Variants in CACNB2 observed in about 807,000 individuals in gnomAD.
The protein encoded by CACNB2 is voltage-dependent L-type calcium channel subunit beta-2.
CACNB2 carries 42 observed loss-of-function variants against 73.3 expected under a neutral mutation model. That is an observed-to-expected ratio of 0.57 (90% CI 0.45 to 0.74). The LOEUF (loss-of-function observed/expected upper bound fraction) is 0.74, where lower values mean the gene tolerates loss of function less well. Among genes scored for constraint, CACNB2 ranks in the 30% least tolerant of loss-of-function variants. The pLI, the probability that CACNB2 is intolerant of heterozygous loss-of-function variation, is 0.00. For synonymous variants in CACNB2, 348 were observed against 310.3 expected (o/e 1.12, Z -1.28); for missense variants, 940 against 853.0 (o/e 1.10, Z -1.27).
intron 5 of CACNB2, among the ~76,000 whole-genome samples, chr10:18,501,784 TA>T (rs1303010490): frequency 6.6e-6 from 1 of 152,252 alleles, no homozygotes; most frequent in Non-Finnish European, 1.5e-5. Flanking sequence ...TGTGAGCAAG[TA>T]TTTTTTTCAA....
chr10:18,306,730 A>G (rs1302344608), intron 2 of CACNB2, among the ~76,000 whole-genome samples: 1 of 152,192 alleles, frequency 6.6e-6, no homozygotes, highest in Admixed American at 6.5e-5. Flanking sequence ...CTTTGTTGCC[A>G]AAGACTGAGC....
intron 2 of CACNB2, among the ~76,000 whole-genome samples, chr10:18,195,815 T>C (rs2034599815): frequency 6.6e-6 from 1 of 152,230 alleles, no homozygotes. Flanking sequence ...GTAAAAGCTG[T>C]CGCTTTCTGT....
intron 2 of CACNB2, among the ~76,000 whole-genome samples, chr10:18,347,149 G>A (rs2041493451): frequency 6.6e-6 from 1 of 151,984 alleles, no homozygotes; most frequent in Non-Finnish European, 1.5e-5. Context: ...TGCACTGAAA[G>A]GACAAGAACA....
At chr10:18,228,467 G>GAAA (rs2036101865) in intron 2 of CACNB2, among the ~76,000 whole-genome samples, 1 of 71,066 alleles carries the variant, frequency 1.4e-5, no homozygotes, top group Non-Finnish European at 3.3e-5. Context: ...AAAAAGAAAA[G>GAAA]AAAAAACATA....
At chr10:18,172,861 T>C (rs890645119) in intron 2 of CACNB2, among the ~76,000 whole-genome samples, 5 of 151,610 alleles carry the variant, frequency 3.3e-5, no homozygotes, top group African/African-American at 1.2e-4. Context: ...TCATCACACA[T>C]TGGGCAAGTT....
intron 2 of CACNB2, among the ~76,000 whole-genome samples, chr10:18,184,957 A>C (rs949277428): frequency 1.3e-5 from 2 of 152,004 alleles, no homozygotes; most frequent in Non-Finnish European, 2.9e-5. Flanking sequence ...CTGCCACTTC[A>C]GCCTCCTGAG....
chr10:18,179,603 A>AT lies in CACNB2; in HGVS notation c.213+28642dup, dbSNP rs11291909. On this transcript the variant is annotated intron_variant, in intron 2 of 13. Coordinates refer to ENST00000324631, the MANE Select transcript of CACNB2 (RefSeq NM_201596.3). Reference sequence around the variant, plus strand: ...GGTAAAGATAAGCTCAAATCAGCAGATTTTTTTTTTTTTTAATTCAGGGAT... The same window carrying AT: ...GGTAAAGATAAGCTCAAATCAGCAGATTTTTTTTTTTTTTTAATTCAGGGAT... Among the ~76,000 whole-genome samples, 1,105 of 146,904 alleles carry AT rather than the reference A, an allele frequency of 7.5e-3. 5 individuals carry two copies. Among genetic ancestry groups the AT allele is most frequent in the African/African-American group, 0.015 (619 of 40,290 alleles).
intron 2 of CACNB2, among the ~76,000 whole-genome samples, chr10:18,224,988 C>G (rs778178339): frequency 3.3e-5 from 5 of 152,102 alleles, no homozygotes; most frequent in Non-Finnish European, 5.9e-5. Flanking sequence ...CCGCGTGTTT[C>G]GCTCTCTATG....
At chr10:18,320,832 A>AT (rs1174975363) in intron 2 of CACNB2, among the ~76,000 whole-genome samples, 1 of 152,142 alleles carries the variant, frequency 6.6e-6, no homozygotes, top group Non-Finnish European at 1.5e-5. Flanking sequence ...CATTTGTCTG[A>AT]TTTTTTTGCA....
intron 2 of CACNB2, among the ~76,000 whole-genome samples, chr10:18,391,872 G>A (rs918951434): frequency 2.8e-4 from 39 of 138,726 alleles, no homozygotes; most frequent in Middle Eastern, 4.7e-3. Flanking sequence ...AGGTTGCAGT[G>A]AGCCAAGATT....
intron 2 of CACNB2, among the ~76,000 whole-genome samples, chr10:18,367,120 T>C: frequency 6.6e-6 from 1 of 152,234 alleles, no homozygotes; most frequent in East Asian, 1.9e-4. Flanking sequence ...TCTGACATTT[T>C]TCATCATTTT....
intron 2 of CACNB2, among the ~76,000 whole-genome samples, chr10:18,333,870 T>C (rs2040899487): frequency 6.6e-6 from 1 of 151,798 alleles, no homozygotes; most frequent in Non-Finnish European, 1.5e-5. Flanking sequence ...AATTCTGCCT[T>C]TTTTTTTGTC....
intron 2 of CACNB2, among the ~76,000 whole-genome samples, chr10:18,166,059 A>G (rs954464551): frequency 6.6e-6 from 1 of 152,198 alleles, no homozygotes; most frequent in Non-Finnish European, 1.5e-5. Flanking sequence ...ATGACTGTAT[A>G]TGTACAAGTA....
At chr10:18,442,354 G>T (rs1324981382) in intron 3 of CACNB2, among the ~76,000 whole-genome samples, 9 of 151,594 alleles carry the variant, frequency 5.9e-5, no homozygotes, top group African/African-American at 1.9e-4. Flanking sequence ...TTCACCATGT[G>T]GGCCAGGCTG....
At chr10:18,521,848 C>T (rs1400449499) in intron 9 of CACNB2, among the ~76,000 whole-genome samples, 7 of 152,166 alleles carry the variant, frequency 4.6e-5, no homozygotes, top group Admixed American at 2.0e-4. Context: ...CTCCACATTC[C>T]TTTCCTCCTC....
intron 2 of CACNB2, among the ~76,000 whole-genome samples, chr10:18,347,344 A>ATTTTTTTTTTTTTTTTTTTTTT (rs201654242): frequency 8.3e-6 from 1 of 120,824 alleles, no homozygotes; most frequent in Non-Finnish European, 1.7e-5. Flanking sequence ...TGCCCGTCTA[A>ATTTTTTTTTTTTTTTTTTTTTT]TTTTTTTTTT....
chr10:18,210,899 G>A (rs2035290848), intron 2 of CACNB2, among the ~76,000 whole-genome samples: 1 of 152,134 alleles, frequency 6.6e-6, no homozygotes, highest in Admixed American at 6.6e-5. Flanking sequence ...TGAGTACAGG[G>A]ATTATGCATT....
chr10:18,493,699 T>G (rs563598263), intron 3 of CACNB2, among the ~76,000 whole-genome samples: 9 of 152,270 alleles, frequency 5.9e-5, no homozygotes, highest in African/African-American at 1.9e-4. Context: ...ACCTAATAAA[T>G]GGCAGAATCA....
intron 2 of CACNB2, among the ~76,000 whole-genome samples, chr10:18,155,423 C>T (rs2031963043): frequency 6.6e-6 from 1 of 152,170 alleles, no homozygotes; most frequent in Admixed American, 6.5e-5. Context: ...TACAGCATTC[C>T]ACTGTGTGGA....
Sources: allele counts gnomAD v4.1 joint callset (sites outside exome capture counted in the v4.1 genomes callset), GRCh38; gene constraint gnomAD v4.1.1; transcripts MANE v1.5; gene names NCBI Gene and HGNC (gene_info 2026-07-23, HGNC 2026-07-21).